MSRB3: variants seen among roughly 807,000 people sequenced by gnomAD.
The protein encoded by MSRB3 is methionine-R-sulfoxide reductase B3.
A neutral mutation model predicts 21.0 loss-of-function variants in MSRB3; 13 were observed. The ratio of observed to expected loss-of-function variants is 0.62; its 90% CI spans 0.40 to 0.98. The LOEUF (loss-of-function observed/expected upper bound fraction) is 0.98, where lower values mean the gene tolerates loss of function less well. MSRB3 is among the 50% of genes least tolerant of loss of function. The pLI is 0.00. For synonymous variants in MSRB3, 87 were observed against 88.6 expected, an observed-to-expected ratio of 0.98 and a Z score of 0.10; for missense variants, 199 against 230.3, an observed-to-expected ratio of 0.86 and a Z score of 0.88.
chr12:65,362,399 G>C (rs1392249979), intron 4 of MSRB3, among the ~76,000 whole-genome samples: 1 of 152,142 alleles, frequency 6.6e-6, no homozygotes, highest in African/African-American at 2.4e-5. Flanking sequence ...TGGATTAAGT[G>C]CTTCTCCTTG....
At chr12:65,421,237 G>C (rs2136643716) in intron 5 of MSRB3, among the ~76,000 whole-genome samples, 1 of 147,838 alleles carries the variant, frequency 6.8e-6, no homozygotes, top group Non-Finnish European at 1.5e-5. Context: ...TTTTTTTCAT[G>C]CTTGTTGACC....
chr12:65,314,493 A>G (rs1476295145), intron 2 of MSRB3, among the ~76,000 whole-genome samples: 1 of 152,132 alleles, frequency 6.6e-6, no homozygotes, highest in African/African-American at 2.4e-5. Context: ...CCTATAATAT[A>G]ATAAAGTTTT....
intron 5 of MSRB3, among the ~76,000 whole-genome samples, chr12:65,443,447 A>C (rs1882475864): frequency 6.6e-6 from 1 of 152,190 alleles, no homozygotes. Context: ...AAAATGTCTA[A>C]AGCAAAACAG....
intron 4 of MSRB3, among the ~76,000 whole-genome samples, chr12:65,357,738 C>T (rs1483474202): frequency 6.6e-6 from 1 of 151,948 alleles, no homozygotes; most frequent in Admixed American, 6.6e-5. Flanking sequence ...GGATGCTCCT[C>T]TGCCGGAATT....
intron 1 of MSRB3, among the ~76,000 whole-genome samples, chr12:65,307,640 A>C (rs11832656): frequency 0.086 from 13,126 of 152,190 alleles, 1,938 homozygotes; most frequent in African/African-American, 0.3. Context: ...AAATATTGTA[A>C]AAAACTTTTA....
chr12:65,377,942 G>A (rs1392720869), intron 5 of MSRB3, among the ~76,000 whole-genome samples: 1 of 152,204 alleles, frequency 6.6e-6, no homozygotes, highest in African/African-American at 2.4e-5. Context: ...CCATCACAGT[G>A]TGGAAGGAGT....
intron 5 of MSRB3, among the ~76,000 whole-genome samples, chr12:65,384,139 CTTTAA>C (rs751457011): frequency 1.3e-5 from 2 of 152,164 alleles, no homozygotes; most frequent in African/African-American, 2.4e-5. Flanking sequence ...TTTCAAAGTA[CTTTAA>C]TTTATTTTGT....
At chr12:65,308,983 C>G (rs1873823177) in intron 2 of MSRB3, 2 of 360,638 alleles carry the variant, frequency 5.5e-6, no homozygotes, top group Non-Finnish European at 5.2e-6. Flanking sequence ...AGAAACTGCC[C>G]CAAATCACAC....
At chr12:65,440,413 T>A (rs1355255111) in intron 5 of MSRB3, among the ~76,000 whole-genome samples, 1 of 151,774 alleles carries the variant, frequency 6.6e-6, no homozygotes, top group African/African-American at 2.4e-5. Flanking sequence ...TACAAAGAAC[T>A]GTTATCAATT....
chr12:65,395,464 TAA>T (rs775443368), intron 5 of MSRB3, among the ~76,000 whole-genome samples: 2 of 141,380 alleles, frequency 1.4e-5, no homozygotes, highest in Non-Finnish European at 1.6e-5. Flanking sequence ...AGACTCCATC[TAA>T]AAAAAAAAAA....
intron 4 of MSRB3, among the ~76,000 whole-genome samples, chr12:65,339,774 G>A (rs1224825266): frequency 6.6e-6 from 1 of 152,032 alleles, no homozygotes; most frequent in African/African-American, 2.4e-5. Context: ...CTAAGCTTCA[G>A]CACACCACTG....
intron 1 of MSRB3, chr12:65,286,681 T>A (rs1872368239): frequency 6.6e-6 from 1 of 151,012 alleles, no homozygotes. Flanking sequence ...AAGGCATTAT[T>A]GAAAATAAGC....
Position 65,338,347 on chromosome 12 carries a change from T to G in MSRB3, c.263+9744T>G, listed in dbSNP as rs564265546. On this transcript the variant is annotated intron_variant, in intron 4 of 6. Transcript: ENST00000308259. ...ATACAGATATGACAGTTGTAAATAA[T>G]GTAGTCAAATGTAGTTAAATAATTG... Among the ~76,000 whole-genome samples the G allele has an allele frequency of 6.6e-5, 10 of 152,334 alleles. 1 individual carries two copies. The highest frequency in any genetic ancestry group is 2.4e-4 in the African/African-American group (10 of 41,564).
intron 4 of MSRB3, among the ~76,000 whole-genome samples, chr12:65,359,165 T>A (rs1333322866): frequency 6.6e-6 from 1 of 152,050 alleles, no homozygotes; most frequent in East Asian, 1.9e-4. Flanking sequence ...TACATAGGAC[T>A]CTCTTTGCCT....
chr12:65,404,514 T>C (rs1362770108), intron 5 of MSRB3, among the ~76,000 whole-genome samples: 2 of 152,228 alleles, frequency 1.3e-5, no homozygotes, highest in Non-Finnish European at 2.9e-5. Context: ...AAAACATTTC[T>C]TACCTACATT....
At chr12:65,380,464 T>C (rs1378799429) in intron 5 of MSRB3, among the ~76,000 whole-genome samples, 1 of 152,006 alleles carries the variant, frequency 6.6e-6, no homozygotes, top group East Asian at 2.0e-4. Context: ...TAATCCCAGC[T>C]ACTTGGGAAG....
chr12:65,431,445 G>A (rs1056283905), intron 5 of MSRB3, among the ~76,000 whole-genome samples: 3 of 151,918 alleles, frequency 2.0e-5, no homozygotes, highest in Non-Finnish European at 4.4e-5. Flanking sequence ...ACATCCCAGC[G>A]ATTTAATGTT....
At chr12:65,284,373 T>C (rs542955758) in intron 1 of MSRB3, 5 of 152,330 alleles carry the variant, frequency 3.3e-5, no homozygotes, top group African/African-American at 1.2e-4. Context: ...AGTAGAAGTG[T>C]TGCTAAAGTA....
At chr12:65,365,641 A>G (rs1470348295) in intron 4 of MSRB3, among the ~76,000 whole-genome samples, 1 of 152,186 alleles carries the variant, frequency 6.6e-6, no homozygotes, top group African/African-American at 2.4e-5. Flanking sequence ...TAACATTTGC[A>G]GGGCCTGGGC....
Sources: allele counts gnomAD v4.1 joint callset (sites outside exome capture counted in the v4.1 genomes callset), GRCh38; gene constraint gnomAD v4.1.1; transcripts MANE v1.5; gene names NCBI Gene and HGNC (gene_info 2026-07-23, HGNC 2026-07-21).